The following AVEN variants were observed in gnomAD, a reference collection of about 807,000 sequenced individuals.
AVEN encodes apoptosis and caspase activation inhibitor.
In AVEN, 41 loss-of-function variants were observed where a neutral mutation model predicts 38.1. The ratio of observed to expected loss-of-function variants is 1.08; its 90% CI spans 0.84 to 1.40. AVEN has a LOEUF of 1.40. AVEN is among the 40% of genes most tolerant of loss of function. The pLI is 0.00. For synonymous variants in AVEN, 206 were observed against 171.8 expected, an observed-to-expected ratio of 1.20 and a Z score of -1.56; for missense variants, 605 against 438.8, an observed-to-expected ratio of 1.38 and a Z score of -3.38.
chr15:33,906,697 G>T (rs1432005175), intron 2 of AVEN, among the ~76,000 whole-genome samples: 2 of 152,158 alleles, frequency 1.3e-5, no homozygotes, highest in Non-Finnish European at 2.9e-5. Context: ...CATAGAGACA[G>T]AAAGTAACAT....
intron 2 of AVEN, among the ~76,000 whole-genome samples, chr15:33,938,185 G>T (rs566354220): frequency 3.5e-4 from 54 of 152,132 alleles, no homozygotes; most frequent in Admixed American, 2.4e-3. Context: ...GCCAGTCGCG[G>T]TGGCTCACGC....
Position 34,038,930 on chromosome 15 carries a change from G to A in AVEN, c.117C>T (p.Gly39=), listed in dbSNP as rs976530097. The change falls in exon 1 of 6, where the codon GGC becomes GGT. Residue 39 remains glycine (G), a synonymous_variant. Transcript: ENST00000306730. ...PGAAAAVARG[G]GGGGGGDGGG... ...CTCCGTCCCCGCCGCCGCCTCCGCC[G>A]CCGCCTCTGGCTACCGCCGCTGCGG... The A allele has an allele frequency of 9.8e-7, 1 of 1,020,006 alleles. No homozygotes were observed. The allele number at this position is 1,020,006 out of a possible 1,614,324, so 63.2% of individuals were successfully genotyped here. A position where few individuals can be genotyped will look rare whatever the true frequency, so the allele number is the denominator to read the frequency against.
chr15:33,961,054 G>A (rs895783764), intron 2 of AVEN, among the ~76,000 whole-genome samples: 1 of 152,112 alleles, frequency 6.6e-6, no homozygotes, highest in African/African-American at 2.4e-5. Flanking sequence ...AGGCTAGAGT[G>A]CACTGGTGAG....
intron 2 of AVEN, among the ~76,000 whole-genome samples, chr15:33,979,741 G>A (rs1158329574): frequency 6.6e-6 from 1 of 152,202 alleles, no homozygotes; most frequent in African/African-American, 2.4e-5. Flanking sequence ...ACTAAACTAA[G>A]AGAAGTTCGT....
chr15:33,863,306 G>T (rs1271603172), downstream of AVEN, among the ~76,000 whole-genome samples: 1 of 152,200 alleles, frequency 6.6e-6, no homozygotes, highest in Non-Finnish European at 1.5e-5. Flanking sequence ...GTCTTTCTCA[G>T]TAAATGAGAA....
At chr15:34,047,373 G>A (rs565272719) in intron 5 of AVEN, among the ~76,000 whole-genome samples, 3 of 152,176 alleles carry the variant, frequency 2.0e-5, no homozygotes, top group South Asian at 4.1e-4. Context: ...CACCGTGCCC[G>A]GCGGAGACCT....
downstream of AVEN, chr15:33,861,272 C>A (rs1019877157): frequency 1.1e-6 from 1 of 911,896 alleles, no homozygotes; most frequent in Non-Finnish European, 1.7e-6. Context: ...AAAAGAGTAA[C>A]CAGAAAGGAA....
downstream of AVEN, chr15:33,858,141 G>A (rs576264861): frequency 7.2e-5 from 41 of 572,530 alleles, no homozygotes; most frequent in Middle Eastern, 4.6e-4. Flanking sequence ...TCTAAGCCCC[G>A]TGGAAAGGGA....
intron 2 of AVEN, among the ~76,000 whole-genome samples, chr15:34,001,463 C>G (rs187469348): frequency 6.6e-6 from 1 of 152,068 alleles, no homozygotes; most frequent in Non-Finnish European, 1.5e-5. Context: ...AATTTTCTCC[C>G]CCTAGATCTT....
At chr15:33,864,219 T>TCTTTC (rs750285234), downstream of AVEN, 2 of 1,557,564 alleles carry the variant, frequency 1.3e-6, no homozygotes, top group African/African-American at 2.7e-5. Flanking sequence ...ATACCCGTGT[T>TCTTTC]AGATCTCCCT....
chr15:33,858,071 C>CCAAA (rs1335868857), downstream of AVEN: 11 of 957,332 alleles, frequency 1.1e-5, no homozygotes, highest in East Asian at 2.4e-4. Context: ...GATGTCTTCT[C>CCAAA]CAAACAGGAG....
the AVEN span, chr15:33,853,106 G>T: frequency 6.4e-7 from 1 of 1,570,032 alleles, no homozygotes; most frequent in Non-Finnish European, 8.6e-7. Context: ...TGTTAGTGGG[G>T]GTGAGTTCCG....
intron 2 of AVEN, among the ~76,000 whole-genome samples, chr15:33,962,391 C>T (rs1445280235): frequency 6.6e-6 from 1 of 152,122 alleles, no homozygotes; most frequent in East Asian, 1.9e-4. Context: ...CATATTGCAT[C>T]TCCAGCCACA....
intron 2 of AVEN, among the ~76,000 whole-genome samples, chr15:33,931,635 C>T (rs1893857719): frequency 6.6e-6 from 1 of 152,098 alleles, no homozygotes; most frequent in Non-Finnish European, 1.5e-5. Flanking sequence ...CTCCCAAGTG[C>T]TGGGATTACA....
Position 33,866,397 on chromosome 15 carries a change from T to TATTAG in AVEN, c.*211_*215dup. 5.2e-6 allele frequency: 3 copies of TATTAG among 575,682 alleles called. No homozygotes were observed. Among genetic ancestry groups the TATTAG allele is most frequent in the Non-Finnish European group, 9.2e-6 (3 of 325,416 alleles). 35.7% of individuals were successfully genotyped at this position (575,682 alleles called of 1,614,324 possible). ...TCTATCTCCTGCCCTTAAGGAAATCTATTAGATTACTAAGCCAGAAAAACA... is the reference window on the plus strand; with the variant it reads ...TCTATCTCCTGCCCTTAAGGAAATCTATTAGATTAGATTACTAAGCCAGAAAAACA... On this transcript the variant is annotated 3_prime_UTR_variant, in exon 6 of 6. Coordinates refer to ENST00000306730, the MANE Select transcript of AVEN (RefSeq NM_020371.3).
At chr15:33,861,262 A>G (rs1013402548), downstream of AVEN, 7 of 1,023,890 alleles carry the variant, frequency 6.8e-6, no homozygotes, top group Middle Eastern at 2.1e-4. Flanking sequence ...CTCTGCTGGA[A>G]AAAGAGTAAC....
chr15:34,074,236 G>A (rs977354161), intron 1 of AVEN, among the ~76,000 whole-genome samples: 33 of 151,328 alleles, frequency 2.2e-4, no homozygotes, highest in Non-Finnish European at 3.5e-4. Context: ...GACTTCAAGT[G>A]ATCCACCCGC....
At chr15:33,873,155 A>G (rs929892844) in intron 3 of AVEN, among the ~76,000 whole-genome samples, 1 of 128,658 alleles carries the variant, frequency 7.8e-6, no homozygotes, top group African/African-American at 3.0e-5. Flanking sequence ...GCTGGAGTGC[A>G]ATGGCACGAT....
At chr15:33,911,894 AAAG>A (rs1358720971) in intron 2 of AVEN, among the ~76,000 whole-genome samples, 13 of 152,200 alleles carry the variant, frequency 8.5e-5, no homozygotes, top group Admixed American at 2.0e-4. Context: ...CCAGAGAGAG[AAAG>A]AAGAAGGTAT....
Sources: allele counts gnomAD v4.1 joint callset (sites outside exome capture counted in the v4.1 genomes callset), GRCh38; gene constraint gnomAD v4.1.1; transcripts MANE v1.5; gene names NCBI Gene and HGNC (gene_info 2026-07-23, HGNC 2026-07-21).